MED13L: variants seen among roughly 807,000 people sequenced by gnomAD.
The protein encoded by MED13L is mediator of RNA polymerase II transcription subunit 13-like.
MED13L carries 7 observed loss-of-function variants against 220.9 expected under a neutral mutation model. The ratio of observed to expected loss-of-function variants is 0.03; its 90% CI spans 0.02 to 0.06. The LOEUF is 0.06. Ranked by LOEUF, MED13L falls within the 10% of genes least tolerant of loss-of-function variation. The pLI, the probability that MED13L is intolerant of heterozygous loss-of-function variation, is 1.00. For missense variants in MED13L, 1,965 were observed against 2,760.5 expected, an observed-to-expected ratio of 0.71 and a Z score of 6.46; for synonymous variants, 1,011 against 1,015.2, an observed-to-expected ratio of 1.00 and a Z score of 0.08.
In MED13L at chr12:116,276,340, G is replaced by GTGTA. The variant is rs1873821647; in HGVS notation, c.72+719_72+720insTACA. On this transcript the variant is annotated intron_variant, in intron 1 of 30. Transcript: ENST00000281928. ...TGTGTGTGTGTGTGTGTGTGTGTGT[G>GTGTA]TGTGTGTGTGTGCGGATTCGTTGTT... The GTGTA allele has an allele frequency of 6.7e-6, 4 of 600,270 alleles. No individual in the cohort carries two copies. In the Admixed American group the frequency reaches 9.9e-5, roughly 15 times the overall value. The allele number at this position is 600,270 out of a possible 1,614,324, so 37.2% of individuals were successfully genotyped here.
chr12:116,177,149 C>A (rs764407409), intron 2 of MED13L, among the ~76,000 whole-genome samples: 1 of 152,088 alleles, frequency 6.6e-6, no homozygotes. Flanking sequence ...CCCCCTCCCC[C>A]ACTCACCAAC....
chr12:116,238,364 G>A (rs1017196405), intron 1 of MED13L, among the ~76,000 whole-genome samples: 1 of 152,184 alleles, frequency 6.6e-6, no homozygotes, highest in Middle Eastern at 3.2e-3. Context: ...TGTAAAACAT[G>A]AGAACTTGCA....
chr12:116,192,450 T>A (rs1262233992), intron 2 of MED13L, among the ~76,000 whole-genome samples: 1 of 152,208 alleles, frequency 6.6e-6, no homozygotes, highest in African/African-American at 2.4e-5. Flanking sequence ...TAAAATCTCA[T>A]TTAAACACAT....
intron 2 of MED13L, among the ~76,000 whole-genome samples, chr12:116,129,777 C>T (rs1334203721): frequency 6.6e-6 from 1 of 151,994 alleles, no homozygotes; most frequent in Non-Finnish European, 1.5e-5. Flanking sequence ...TACATGGTGG[C>T]GCGTGCCTGT....
intron 4 of MED13L, among the ~76,000 whole-genome samples, chr12:116,054,771 A>G (rs1349494689): frequency 6.6e-6 from 1 of 152,212 alleles, no homozygotes; most frequent in Admixed American, 6.5e-5. Context: ...AAGTTGGTAC[A>G]GCCAGTTTGG....
At chr12:115,967,295 C>T (rs558724000) in intron 28 of MED13L, among the ~76,000 whole-genome samples, 15 of 150,750 alleles carry the variant, frequency 1.0e-4, no homozygotes, top group Non-Finnish European at 1.5e-4. Context: ...CCACTTTGAA[C>T]GCATTCTCTT....
intron 2 of MED13L, among the ~76,000 whole-genome samples, chr12:116,181,693 C>T (rs1204699189): frequency 3.3e-5 from 5 of 151,986 alleles, no homozygotes; most frequent in African/African-American, 7.2e-5. Flanking sequence ...TTAGTAGAGA[C>T]GGGGTTTCAT....
chr12:116,091,980 T>C (rs1194045951), intron 4 of MED13L, among the ~76,000 whole-genome samples: 4 of 152,164 alleles, frequency 2.6e-5, no homozygotes. Flanking sequence ...CCCAAATATA[T>C]TCAAATGGCA....
chr12:116,092,989 T>C (rs1034637480), intron 4 of MED13L, among the ~76,000 whole-genome samples: 2 of 152,194 alleles, frequency 1.3e-5, no homozygotes, highest in Admixed American at 6.5e-5. Context: ...GGCCCACTGT[T>C]ATTGAGGGCA....
chr12:116,213,592 T>C (rs1053131803), intron 2 of MED13L, among the ~76,000 whole-genome samples: 5 of 152,148 alleles, frequency 3.3e-5, no homozygotes, highest in African/African-American at 1.2e-4. Context: ...TTTGTATTTT[T>C]AGTAGAGACA....
chr12:116,120,165 G>A (rs1479688289), intron 2 of MED13L, among the ~76,000 whole-genome samples: 3 of 151,618 alleles, frequency 2.0e-5, no homozygotes, highest in Non-Finnish European at 2.9e-5. Flanking sequence ...AGGATTAGTG[G>A]TACAGATGGG....
rs1047016828 is a variant in MED13L at position 116,096,683 on chromosome 12, C to T, written c.465G>A (p.Lys155=). 1.2e-6 allele frequency: 2 copies of T among 1,613,874 alleles called. No individual in the cohort carries two copies. Among genetic ancestry groups the T allele is most frequent in the South Asian group, 1.1e-5 (1 of 91,082 alleles). Residue 155 remains lysine (K), a synonymous_variant, in exon 4 of 31, where the codon AAG becomes AAA. Coordinates refer to ENST00000281928, the MANE Select transcript of MED13L (RefSeq NM_015335.5). ...WFVRPYEKDE[K]PVNKSEHLSC... is the part of the protein sequence containing the mutation. ...TAAAGGCTCACCTTTTGTTGACTGG[C>T]TTTTCATCCTTTTCGTAGGGTCGGA... is the stretch of plus-strand genomic sequence containing the variant.
intron 4 of MED13L, among the ~76,000 whole-genome samples, chr12:116,055,582 G>C (rs1289154622): frequency 6.6e-6 from 1 of 152,166 alleles, no homozygotes; most frequent in African/African-American, 2.4e-5. Flanking sequence ...GCATTTCATA[G>C]CTGGGAAGGC....
intron 4 of MED13L, among the ~76,000 whole-genome samples, chr12:116,086,283 CTTTT>C (rs756507659): frequency 9.1e-6 from 1 of 109,468 alleles, no homozygotes. Flanking sequence ...CACGATAATT[CTTTT>C]TTTTTTTTTT....
Position 116,230,515 on chromosome 12 carries a change from A to T in MED13L, c.310+6953T>A, listed in dbSNP as rs1869453120. 4 of 981,412 alleles carry T rather than the reference A, an allele frequency of 4.1e-6. 1 individual carries two copies. The South Asian group carries it at 1.4e-4, about 35-fold the overall frequency. 60.8% of individuals were successfully genotyped at this position (981,412 alleles called of 1,614,324 possible). ...AAATGGTATCATTCATGTTTTCAAA[A>T]TCACCAGAATTCCATACCTGAAAAA... On this transcript the variant is annotated intron_variant, in intron 2 of 30. Transcript: ENST00000281928.
At chr12:116,025,180 T>C (rs745369788) in intron 4 of MED13L, among the ~76,000 whole-genome samples, 1 of 152,322 alleles carries the variant, frequency 6.6e-6, no homozygotes, top group Middle Eastern at 3.4e-3. Flanking sequence ...CGCAGTAAGA[T>C]ATCCCTTCAC....
At chr12:116,244,130 A>G (rs1178834550) in intron 1 of MED13L, among the ~76,000 whole-genome samples, 4 of 152,218 alleles carry the variant, frequency 2.6e-5, no homozygotes, top group African/African-American at 9.6e-5. Flanking sequence ...TTTGAGGCTG[A>G]CAAGCATGCA....
intron 1 of MED13L, among the ~76,000 whole-genome samples, chr12:116,257,465 ACCT>A (rs1192957888): frequency 6.6e-6 from 1 of 151,990 alleles, no homozygotes; most frequent in Non-Finnish European, 1.5e-5. Context: ...CCACATTTCC[ACCT>A]CCTCCTAACC....
chr12:116,187,334 A>G (rs1248026433), intron 2 of MED13L, among the ~76,000 whole-genome samples: 1 of 152,216 alleles, frequency 6.6e-6, no homozygotes, highest in East Asian at 1.9e-4. Flanking sequence ...AAATCATAGT[A>G]TAGTCCCTAC....
Sources: gnomAD v4.1 joint callset for allele counts (sites outside exome capture counted in the v4.1 genomes callset) on GRCh38, gnomAD v4.1.1 for gene constraint, MANE v1.5 for transcripts, NCBI Gene and HGNC (gene_info 2026-07-23, HGNC 2026-07-21) for gene names.